Variants in CD22 observed in about 807,000 individuals in gnomAD.
The protein encoded by CD22 is CD22 molecule, also known as B-cell receptor CD22.
A neutral mutation model predicts 94.7 loss-of-function variants in CD22; 51 were observed. The observed-to-expected ratio is 0.54, with a 90% CI of 0.43 to 0.68. The LOEUF (loss-of-function observed/expected upper bound fraction) is 0.68, where lower values mean the gene tolerates loss of function less well. Among genes scored for constraint, CD22 ranks in the 30% least tolerant of loss-of-function variants. CD22 has a pLI of 0.00. For synonymous variants in CD22, 424 were observed against 422.5 expected, an observed-to-expected ratio of 1.00 and a Z score of -0.04; for missense variants, 931 against 1,060.4, an observed-to-expected ratio of 0.88 and a Z score of 1.69.
In CD22 at chr19:35,344,786, G is replaced by C. The variant is rs551329349; in HGVS notation, c.2036-43G>C. ...TTCCAGGCAAAGGCTGCCAGGGAGA[G>C]CTGGCCCCTCAGTTGATTAAGGTCT... On this transcript the variant is annotated intron_variant, in intron 9 of 13. Transcript: ENST00000085219. 1.1e-4 allele frequency: 152 copies of C among 1,437,178 alleles called. 1 individual carries two copies. The highest frequency in any genetic ancestry group is 1.5e-4 in the Non-Finnish European group (152 of 1,039,996). The allele number at this position is 1,437,178 out of a possible 1,614,324, so 89.0% of individuals were successfully genotyped here.
At position 35,338,406 on chromosome 19, in the gene CD22, C is replaced by A. The variant is rs2066756823; in HGVS notation, c.1224C>A (p.Gly408=). ...ACATTCTTGGTACTGGACAGAGGGG[C>A]CCGGGAGCTGAGCTGGATGTCCAGT... The part of the protein sequence containing the change: ...AENILGTGQR[G]PGAELDVQYP... The change falls in exon 6 of 14, where the codon GGC becomes GGA. Residue 408 remains glycine, a synonymous_variant. Coordinates refer to ENST00000085219, the MANE Select transcript of CD22 (RefSeq NM_001771.4). 8 of 1,613,628 alleles carry A rather than the reference C, an allele frequency of 5.0e-6. No individual in the cohort carries two copies. Among genetic ancestry groups the A allele is most frequent in the Non-Finnish European group, 6.8e-6 (8 of 1,179,682 alleles).
At chr19:35,330,294 C>A (rs2066627699) in intron 1 of CD22, among the ~76,000 whole-genome samples, 1 of 152,186 alleles carries the variant, frequency 6.6e-6, no homozygotes, top group Middle Eastern at 3.2e-3. Context: ...TGAGATCACA[C>A]CACTGCACTT....
intron 13 of CD22, 37 bp from the exon 14 acceptor site, chr19:35,346,529 C>G (rs963826337): frequency 1.3e-6 from 2 of 1,579,114 alleles, no homozygotes; most frequent in Non-Finnish European, 1.7e-6. Context: ...AGGCTGGCGA[C>G]AGTGGGGCCA....
intron 3 of CD22, 173 bp downstream of exon 3, chr19:35,333,097 G>A (rs969085755): frequency 1.3e-5 from 8 of 616,122 alleles, no homozygotes; most frequent in Admixed American, 3.1e-5. Context: ...GCGGGACCTC[G>A]GATGTCCCAT....
intron 9 of CD22, among the ~76,000 whole-genome samples, chr19:35,343,649 T>C (rs907559472): frequency 1.2e-4 from 18 of 151,988 alleles, no homozygotes; most frequent in African/African-American, 4.3e-4. Flanking sequence ...TGAGAGGCCA[T>C]GGTGGGAGGA....
chr19:35,330,960 C>T (rs563394324), intron 1 of CD22: 4 of 152,218 alleles, frequency 2.6e-5, no homozygotes, highest in South Asian at 2.1e-4. Context: ...CTTGCCCTGT[C>T]GCCCAGGCTG....
Position 35,337,762 on chromosome 19 carries a change from G to C in CD22, c.726G>C (p.Pro242=). Residue 242 remains proline (P), a synonymous_variant, in exon 5 of 14, where the codon CCG becomes CCC. Coordinates refer to ENST00000085219, the MANE Select transcript of CD22 (RefSeq NM_001771.4). The surrounding 1 kb of genome is among the most constrained non-coding windows in gnomAD (Gnocchi z 4.4). ...GCCCCTCTGCTCCTCCAGACACCCC[G>C]AAGTTGGAGATCAAGGTCACTCCCA... ...DTVQLNVKHT[P]KLEIKVTPSD... 2 of 1,594,484 alleles carry C rather than the reference G, an allele frequency of 1.3e-6. No homozygotes were observed. The highest frequency in any genetic ancestry group is 1.7e-6 in the Non-Finnish European group (2 of 1,164,828).
chr19:35,346,796 G>A lies in CD22; in HGVS notation c.*99G>A. The A allele has an allele frequency of 9.4e-7, 1 of 1,066,600 alleles. No individual in the cohort carries two copies. The highest frequency in any genetic ancestry group is 3.1e-4 in the Middle Eastern group (1 of 3,210). 66.1% of individuals were successfully genotyped at this position (1,066,600 alleles called of 1,614,324 possible). A position where few individuals can be genotyped will look rare whatever the true frequency, so the allele number is the denominator to read the frequency against. On this transcript the variant is annotated 3_prime_UTR_variant, in exon 14 of 14. Coordinates refer to ENST00000085219, the MANE Select transcript of CD22 (RefSeq NM_001771.4). ...CCACATGGCTTCCTCCTGCGCGCAT[G>A]TGCGCACACACACACACACACGCAC... is the stretch of plus-strand genomic sequence containing the variant.
At chr19:35,335,470 T>C (rs139460081) in intron 3 of CD22, among the ~76,000 whole-genome samples, 18 of 152,154 alleles carry the variant, frequency 1.2e-4, no homozygotes, top group African/African-American at 4.3e-4. Context: ...GGTGAGAGGA[T>C]TGCTTGAGCC....
chr19:35,345,785 C>A (rs2066897680), intron 12 of CD22, 65 bp downstream of exon 12: 2 of 1,130,106 alleles, frequency 1.8e-6, no homozygotes, highest in Non-Finnish European at 2.7e-6. Flanking sequence ...AAGCTCTGTC[C>A]CGCCTGCCCT....
rs1352058583 is a variant in CD22, at chr19:35,341,309, G to A, written c.1508-34G>A. ...CTGGGGACAGCAAAAGGGACAGGGA[G>A]CGGAGAGGTCAGCTTGGGACCCTTG... On this transcript the variant is annotated intron_variant, in intron 7 of 13. Transcript: ENST00000085219. The surrounding 1 kb of genome is among the most constrained non-coding windows in gnomAD (Gnocchi z 4.0). 8 of 1,608,022 alleles carry A rather than the reference G, an allele frequency of 5.0e-6. No individual in the cohort carries two copies. The Admixed American group carries it at 1.0e-4, about 20-fold the overall frequency.
At chr19:35,332,127 TGGA>T (rs1364569171) in intron 2 of CD22, 53 bp downstream of exon 2, 1 of 1,610,030 alleles carries the variant, frequency 6.2e-7, no homozygotes, top group Non-Finnish European at 8.5e-7. Flanking sequence ...CAGTGGGCAC[TGGA>T]GGAGGAGGAA....
intron 6 of CD22, among the ~76,000 whole-genome samples, chr19:35,340,274 A>G (rs2066788158): frequency 6.6e-6 from 1 of 151,388 alleles, no homozygotes; most frequent in African/African-American, 2.4e-5. Flanking sequence ...CTCACCCCCC[A>G]CCCACCCCGC....
intron 12 of CD22, 57 bp from the exon 13 acceptor site, chr19:35,346,094 G>T (rs1452174752): frequency 4.5e-5 from 60 of 1,336,892 alleles, no homozygotes; most frequent in Non-Finnish European, 6.1e-5. Context: ...TGTTGAGAGG[G>T]AGGAGAGTTC....
In CD22 at chr19:35,345,085, G is replaced by C. The variant is rs774091236; in HGVS notation, c.2167G>C (p.Glu723Gln). Reference protein sequence around the residue: ...KRTQSQQGLQENSSGQSFFVR... With the variant: ...KRTQSQQGLQQNSSGQSFFVR... Reference sequence around the variant, plus strand: ...GACACAGAGCCAGCAGGGGCTTCAGGAGAATTCCAGCGGCCAGAGCTTCTT... The same window carrying C: ...GACACAGAGCCAGCAGGGGCTTCAGCAGAATTCCAGCGGCCAGAGCTTCTT... Residue 723 changes from glutamate to glutamine, a missense_variant, in exon 11 of 14, where the codon GAG becomes CAG. Physicochemically the swap from Glu to Gln is conservative, Grantham distance 29. Transcript: ENST00000085219. The C allele has an allele frequency of 6.2e-7, 1 of 1,614,038 alleles. No homozygotes were observed. Among genetic ancestry groups the C allele is most frequent in the Admixed American group, 1.7e-5 (1 of 60,006 alleles).
At chr19:35,345,552 C>T (rs377476013) in intron 11 of CD22, 50 bp from the exon 12 acceptor site, 20 of 1,181,366 alleles carry the variant, frequency 1.7e-5, no homozygotes, top group South Asian at 5.1e-5. Context: ...GGGAAGGGGA[C>T]GAGGGTTGGG....
intron 4 of CD22, chr19:35,336,691 A>C: frequency 3.7e-6 from 1 of 269,762 alleles, no homozygotes; most frequent in Non-Finnish European, 7.1e-6. Flanking sequence ...ACGGCTGCCA[A>C]TGGGGGGCAT....
Position 35,346,233 on chromosome 19 carries a change from G to A in CD22, c.2410G>A (p.Val804Met), listed in dbSNP as rs2066905404. ...TTATTCAGCATTGCACAAGCGCCAAGTGGTAAGGAGGGTCTCCCCAGGTCT... is the reference window on the plus strand; with the variant it reads ...TTATTCAGCATTGCACAAGCGCCAAATGGTAAGGAGGGTCTCCCCAGGTCT... Reference protein sequence around the residue: ...VTYSALHKRQVGDYENVIPDF... With the variant: ...VTYSALHKRQMGDYENVIPDF... The change falls in exon 13 of 14, where the codon GTG (valine) becomes ATG (methionine). Residue 804 changes from valine (V) to methionine (M), a missense_variant and splice_region_variant. By Grantham distance (21) the Val-to-Met change is conservative. Coordinates refer to ENST00000085219, the MANE Select transcript of CD22 (RefSeq NM_001771.4). The A allele has an allele frequency of 6.2e-7, 1 of 1,613,646 alleles. No homozygotes were observed. Among genetic ancestry groups the A allele is most frequent in the Non-Finnish European group, 8.5e-7 (1 of 1,179,524 alleles).
At chr19:35,334,853 C>A (rs149590359) in intron 3 of CD22, among the ~76,000 whole-genome samples, 1 of 151,296 alleles carries the variant, frequency 6.6e-6, no homozygotes, top group South Asian at 2.1e-4. Context: ...CCGAGGCAGG[C>A]GGATCACAAG....
Sources: allele counts gnomAD v4.1 joint callset (sites outside exome capture counted in the v4.1 genomes callset), GRCh38; gene constraint gnomAD v4.1.1; non-coding constraint Gnocchi (gnomAD v3.1); transcripts MANE v1.5; gene names NCBI Gene and HGNC (gene_info 2026-07-23, HGNC 2026-07-21).